PLCH1: variants seen among roughly 807,000 people sequenced by gnomAD.
The protein encoded by PLCH1 is phospholipase C eta 1.
PLCH1 carries 60 observed loss-of-function variants against 126.7 expected under a neutral mutation model. That is an observed-to-expected ratio of 0.47 (90% CI 0.38 to 0.59). The LOEUF is 0.59. Among genes scored for constraint, PLCH1 ranks in the 20% least tolerant of loss-of-function variants. PLCH1 has a pLI of 0.00. For synonymous variants in PLCH1, 719 were observed against 734.9 expected (o/e 0.98, Z 0.35); for missense variants, 1,723 against 2,040.0 (o/e 0.84, Z 2.99).
intron 2 of PLCH1, among the ~76,000 whole-genome samples, chr3:155,637,674 A>G (rs1052621365): frequency 4.6e-5 from 7 of 152,224 alleles, no homozygotes; most frequent in Non-Finnish European, 1.0e-4. Flanking sequence ...AGGACAGGAC[A>G]AACTTGTAGT....
chr3:155,602,282 AC>A (rs1733840973), intron 2 of PLCH1, among the ~76,000 whole-genome samples: 2 of 152,190 alleles, frequency 1.3e-5, no homozygotes, highest in Admixed American at 6.5e-5. Flanking sequence ...ATATACAAAT[AC>A]CTGCTTATCA....
chr3:155,743,247 A>C (rs1211184192), intron 1 of PLCH1: 2 of 454,456 alleles, frequency 4.4e-6, no homozygotes, highest in Admixed American at 2.4e-5. Context: ...AATGATTCTC[A>C]TCTGCTGGGC....
intron 1 of PLCH1, among the ~76,000 whole-genome samples, chr3:155,708,093 C>T (rs66459918): frequency 0.093 from 14,100 of 152,160 alleles, 894 homozygotes; most frequent in African/African-American, 0.17. Context: ...CATCAGTGAG[C>T]CTCAACCTTG....
In PLCH1 at chr3:155,485,437, C is replaced by T. The variant is rs964648348; in HGVS notation, c.2893G>A (p.Val965Ile). 4 of 1,612,928 alleles carry T rather than the reference C, an allele frequency of 2.5e-6. No individual in the cohort carries two copies. The highest frequency in any genetic ancestry group is 3.4e-6 in the Non-Finnish European group (4 of 1,178,928). Residue 965 changes from valine (V) to isoleucine (I), a missense_variant, in exon 22 of 23, where the codon GTT becomes ATT. Val to Ile is a conservative substitution (Grantham distance 29). This residue lies in a region of PLCH1 where 947 missense variants were observed against 977.1 expected (regional missense o/e 0.97). Coordinates refer to ENST00000460012, the MANE Select transcript of PLCH1 (RefSeq NM_014996.4). Reference sequence around the variant, plus strand: ...AAAGCTCCCAGAAGGTTTCTGTCAACAGGCATAGAGACAGGGCGTGCTTGC... The same window carrying T: ...AAAGCTCCCAGAAGGTTTCTGTCAATAGGCATAGAGACAGGGCGTGCTTGC... ...SLQARPVSMPVDRNLLGALSL... is the reference protein window; with the variant it reads ...SLQARPVSMPIDRNLLGALSL...
chr3:155,482,957 A>G lies in PLCH1; in HGVS notation c.3069T>C (p.Ala1023=), dbSNP rs1714417545. ...FNKKLSSSSS[A]LLHKDTSQGD... is the part of the protein sequence containing the mutation. ...CTTGGCTGGTATCTTTGTGGAGCAG[A>G]GCACTGGAGGAGGATGATAACTTTT... Residue 1023 remains alanine, a synonymous_variant, in exon 23 of 23, where the codon GCT becomes GCC. Transcript: ENST00000460012. 2 of 1,614,006 alleles carry G rather than the reference A, an allele frequency of 1.2e-6. No homozygotes were observed. Among genetic ancestry groups the G allele is most frequent in the Non-Finnish European group, 1.7e-6 (2 of 1,179,984 alleles).
chr3:155,617,815 A>G (rs548344988), intron 2 of PLCH1, among the ~76,000 whole-genome samples: 2 of 152,254 alleles, frequency 1.3e-5, no homozygotes, highest in South Asian at 4.1e-4. Context: ...TACCTTCTCT[A>G]CCCAGTCCCT....
Position 155,481,129 on chromosome 3 carries a change from T to A in PLCH1, c.4897A>T (p.Asn1633Tyr). 6.2e-7 allele frequency: 1 copy of A among 1,614,220 alleles called. No individual in the cohort carries two copies. Among genetic ancestry groups the A allele is most frequent in the Non-Finnish European group, 8.5e-7 (1 of 1,180,012 alleles). ...TGSYIAGYLK[N>Y]TKGGGLEGRG... ...CCTTCAAGGCCACCCCCTTTCGTGTTCTTCAGGTAGCCTGCGATGTAGGAG... is the reference window on the plus strand; with the variant it reads ...CCTTCAAGGCCACCCCCTTTCGTGTACTTCAGGTAGCCTGCGATGTAGGAG... Residue 1633 changes from asparagine to tyrosine, a missense_variant, in exon 23 of 23, where the codon AAC (asparagine) becomes TAC (tyrosine). Physicochemically the swap from Asn to Tyr is moderately radical, Grantham distance 143. Coordinates refer to ENST00000460012, the MANE Select transcript of PLCH1 (RefSeq NM_014996.4). This position sits in a 1 kb window ranked among gnomAD's most constrained non-coding sequence, Gnocchi z 4.2.
chr3:155,489,033 A>C (rs572772173), intron 19 of PLCH1, among the ~76,000 whole-genome samples: 8 of 152,346 alleles, frequency 5.3e-5, no homozygotes, highest in South Asian at 4.1e-4. Context: ...ATCACATCAA[A>C]TCTATTAATC....
chr3:155,606,753 G>C (rs73154302), intron 2 of PLCH1, among the ~76,000 whole-genome samples: 8,542 of 152,272 alleles, frequency 0.056, 273 homozygotes, highest in Middle Eastern at 0.1. Context: ...TTGCCCACCA[G>C]CCTTGGAAAA....
intron 2 of PLCH1, among the ~76,000 whole-genome samples, chr3:155,627,357 G>A (rs1325933788): frequency 6.6e-6 from 1 of 152,228 alleles, no homozygotes; most frequent in East Asian, 1.9e-4. Flanking sequence ...TAGGCCAGGT[G>A]TGGTGGCTCA....
chr3:155,692,153 C>T (rs1745436031), intron 2 of PLCH1, among the ~76,000 whole-genome samples: 1 of 151,882 alleles, frequency 6.6e-6, no homozygotes, highest in Non-Finnish European at 1.5e-5. Context: ...CTAAGAAAGC[C>T]TATTAAAGGA....
intron 2 of PLCH1, among the ~76,000 whole-genome samples, chr3:155,650,759 C>T (rs1054802077): frequency 6.6e-6 from 1 of 152,166 alleles, no homozygotes; most frequent in Non-Finnish European, 1.5e-5. Context: ...TGAAAAGATG[C>T]TCAACAATGC....
chr3:155,525,428 T>A (rs1721771357), intron 10 of PLCH1, among the ~76,000 whole-genome samples: 1 of 152,182 alleles, frequency 6.6e-6, no homozygotes, highest in Non-Finnish European at 1.5e-5. Flanking sequence ...ACGCCAAATC[T>A]GCCATCACCT....
At chr3:155,603,632 T>C (rs1268623410) in intron 2 of PLCH1, among the ~76,000 whole-genome samples, 1 of 152,234 alleles carries the variant, frequency 6.6e-6, no homozygotes. Flanking sequence ...CTCTATGTTC[T>C]GTGAGTTTAT....
intron 2 of PLCH1, among the ~76,000 whole-genome samples, chr3:155,610,364 G>GAAAAAAAAAA (rs569174791): frequency 1.5e-4 from 6 of 39,458 alleles, no homozygotes; most frequent in Admixed American, 2.8e-4. Context: ...TGCGTCTGGA[G>GAAAAAAAAAA]AAAAAAAAAA....
intron 13 of PLCH1, among the ~76,000 whole-genome samples, chr3:155,503,926 C>T (rs1718280910): frequency 6.6e-6 from 1 of 152,190 alleles, no homozygotes; most frequent in South Asian, 2.1e-4. Context: ...AAATAGTGGG[C>T]CAAAGTACTT....
rs563207257 is a variant in PLCH1 at position 155,734,911 on chromosome 3, A to G, written c.-41+9929T>C. Reference sequence around the variant, plus strand: ...TTTTTAGTAGTGACGGGGTTTCACCATATTAGCCAGGATGGTCTCGATCTC... The same window carrying G: ...TTTTTAGTAGTGACGGGGTTTCACCGTATTAGCCAGGATGGTCTCGATCTC... On this transcript the variant is annotated intron_variant, in intron 1 of 22. Coordinates refer to ENST00000460012, the MANE Select transcript of PLCH1 (RefSeq NM_014996.4). Among the ~76,000 whole-genome samples, 282 of 152,058 alleles carry G rather than the reference A, an allele frequency of 1.9e-3. 1 individual carries two copies. Among genetic ancestry groups the G allele is most frequent in the Non-Finnish European group, 2.9e-3 (196 of 67,954 alleles).
chr3:155,719,740 G>A (rs1747802700), intron 1 of PLCH1, among the ~76,000 whole-genome samples: 1 of 150,708 alleles, frequency 6.6e-6, no homozygotes, highest in Non-Finnish European at 1.5e-5. Context: ...TGCTGTAAAT[G>A]CCATTATTTC....
chr3:155,583,421 T>G, intron 6 of PLCH1, 51 bp downstream of exon 6: 1 of 1,404,438 alleles, frequency 7.1e-7, no homozygotes, highest in Non-Finnish European at 9.7e-7. Flanking sequence ...GAAAGACATA[T>G]CTTTCATGAG....
Sources: allele counts gnomAD v4.1 joint callset (sites outside exome capture counted in the v4.1 genomes callset), GRCh38; gene constraint gnomAD v4.1.1; regional missense constraint gnomAD v4.1.1; non-coding constraint Gnocchi (gnomAD v3.1); transcripts MANE v1.5; gene names NCBI Gene and HGNC (gene_info 2026-07-23, HGNC 2026-07-21).